TRNAU1AP: variants seen among roughly 807,000 people sequenced by gnomAD.
TRNAU1AP encodes tRNA selenocysteine 1 associated protein 1.
In TRNAU1AP, 33 loss-of-function variants were observed where a neutral mutation model predicts 43.3. That is an observed-to-expected ratio of 0.76 (90% CI 0.58 to 1.02). The LOEUF (loss-of-function observed/expected upper bound fraction) is 1.02. Among genes scored for constraint, TRNAU1AP ranks in the 50% least tolerant of loss-of-function variants. The probability of loss-of-function intolerance (pLI) is 0.00; values close to 1 mark genes in which losing one functional copy is unlikely to be tolerated. For missense variants in TRNAU1AP, 290 were observed against 362.7 expected (o/e 0.80, Z 1.63); for synonymous variants, 143 against 129.1 (o/e 1.11, Z -0.73).
chr1:28,575,682 A>G (rs1276921530), intron 8 of TRNAU1AP, among the ~76,000 whole-genome samples: 1 of 150,692 alleles, frequency 6.6e-6, no homozygotes, highest in African/African-American at 2.4e-5. Flanking sequence ...CCCAGGCTGG[A>G]GTGCAGTGGC....
chr1:28,564,578 T>TA (rs767557420), intron 4 of TRNAU1AP, 125 bp from the exon 5 acceptor site: 162 of 1,185,892 alleles, frequency 1.4e-4, no homozygotes, highest in Middle Eastern at 9.8e-4. Context: ...AGGGGCTGGT[T>TA]AAGTAGACCC....
intron 2 of TRNAU1AP, among the ~76,000 whole-genome samples, chr1:28,559,582 C>T (rs1665359363): frequency 6.6e-6 from 1 of 151,866 alleles, no homozygotes; most frequent in African/African-American, 2.4e-5. Context: ...ATCGCTTGAA[C>T]CCAGGAGGTG....
intron 2 of TRNAU1AP, among the ~76,000 whole-genome samples, chr1:28,559,880 C>T (rs1665366772): frequency 6.6e-6 from 1 of 152,000 alleles, no homozygotes. Context: ...GCCTGTAATC[C>T]CGGAACTTTG....
At chr1:28,569,782 T>C (rs61786017) in intron 6 of TRNAU1AP, among the ~76,000 whole-genome samples, 2 of 136,248 alleles carry the variant, frequency 1.5e-5, no homozygotes, top group Admixed American at 7.6e-5. Context: ...GTCAGGAGAT[T>C]GAGACCATCC....
chr1:28,556,003 G>A (rs1485299955), intron 2 of TRNAU1AP, among the ~76,000 whole-genome samples: 7 of 151,876 alleles, frequency 4.6e-5, no homozygotes, highest in African/African-American at 1.2e-4. Flanking sequence ...ACAGGCGCCC[G>A]CCACCACGCC....
At chr1:28,575,303 C>T (rs1027691257) in intron 8 of TRNAU1AP, among the ~76,000 whole-genome samples, 5 of 151,996 alleles carry the variant, frequency 3.3e-5, no homozygotes, top group South Asian at 2.1e-4. Flanking sequence ...TACAGATGCG[C>T]GCCACCACGC....
At position 28,568,535 on chromosome 1, in the gene TRNAU1AP, A is replaced by G. The variant is rs747967221; in HGVS notation, c.530+1122A>G. ...AGCAATCTGCCCACCTTGGCCTACA[A>G]AAGTGTTGGGATTACAGGCATAAGC... is the stretch of plus-strand genomic sequence containing the variant. On this transcript the variant is annotated intron_variant, in intron 6 of 8. Coordinates refer to ENST00000373830, the MANE Select transcript of TRNAU1AP (RefSeq NM_017846.5). Among the ~76,000 whole-genome samples, 5 of 152,164 alleles carry G rather than the reference A, an allele frequency of 3.3e-5. No individual in the cohort carries two copies. In the East Asian group the frequency reaches 9.6e-4, roughly 29 times the overall value.
At chr1:28,571,114 C>A in intron 6 of TRNAU1AP, 62 bp from the exon 7 acceptor site, 1 of 1,517,808 alleles carries the variant, frequency 6.6e-7, no homozygotes. Flanking sequence ...AGTCTGTGGC[C>A]ACATAGGCAG....
intron 2 of TRNAU1AP, among the ~76,000 whole-genome samples, chr1:28,560,362 A>G (rs895725535): frequency 5.3e-5 from 8 of 150,576 alleles, no homozygotes; most frequent in Non-Finnish European, 1.2e-4. Flanking sequence ...GCTCACTGCA[A>G]CCTCCACCTC....
At chr1:28,565,961 A>G (rs187614143) in intron 5 of TRNAU1AP, among the ~76,000 whole-genome samples, 8 of 152,316 alleles carry the variant, frequency 5.3e-5, no homozygotes, top group Non-Finnish European at 1.0e-4. Context: ...TTACCTCTTC[A>G]GTAAATGTGG....
chr1:28,574,944 G>A lies in TRNAU1AP; in HGVS notation c.728-2556G>A, dbSNP rs1344794783. Among the ~76,000 whole-genome samples, 8 of 149,474 alleles carry A rather than the reference G, an allele frequency of 5.4e-5. No homozygotes were observed. The East Asian group carries it at 1.5e-3, about 29-fold the overall frequency. On this transcript the variant is annotated intron_variant, in intron 8 of 8. Transcript: ENST00000373830. ...GGGGTGGGCTGGGAAGGACACAGGA[G>A]CTCCATTTCACAGATGGGAAACTAG...
At chr1:28,573,373 G>T (rs1665704043) in intron 8 of TRNAU1AP, among the ~76,000 whole-genome samples, 1 of 149,394 alleles carries the variant, frequency 6.7e-6, no homozygotes, top group South Asian at 2.3e-4. Context: ...TTGCACGGTG[G>T]CTCACCCCTG....
chr1:28,557,551 T>G (rs1665295719), intron 2 of TRNAU1AP, among the ~76,000 whole-genome samples: 1 of 150,146 alleles, frequency 6.7e-6, no homozygotes, highest in African/African-American at 2.5e-5. Context: ...TTTCCTTGGG[T>G]CTTATCTTTT....
At chr1:28,573,281 C>CG (rs142819316) in intron 8 of TRNAU1AP, among the ~76,000 whole-genome samples, 149,028 of 149,064 alleles carry the variant, frequency 1, 74,496 homozygotes, top group Middle Eastern at 1. Context: ...CCGCCTGCCT[C>CG]GCCTCCCAAA....
intron 6 of TRNAU1AP, among the ~76,000 whole-genome samples, chr1:28,569,216 G>A (rs533694357): frequency 6.6e-6 from 1 of 152,276 alleles, no homozygotes; most frequent in South Asian, 2.1e-4. Flanking sequence ...AATGTTATTT[G>A]TTGTAAATAA....
chr1:28,577,397 T>C (rs546847949), intron 8 of TRNAU1AP, 103 bp from the exon 9 acceptor site: 30 of 1,316,666 alleles, frequency 2.3e-5, no homozygotes, highest in Non-Finnish European at 2.7e-5. Context: ...ACTGGCAGGA[T>C]AGGGACCTTA....
At chr1:28,561,965 A>G (rs148267167) in intron 4 of TRNAU1AP, among the ~76,000 whole-genome samples, 81 of 149,566 alleles carry the variant, frequency 5.4e-4, no homozygotes, top group Non-Finnish European at 1.0e-3. Context: ...CCAGCTACTC[A>G]GGAGGCTGAG....
chr1:28,573,069 G>GGTATTTTTTTTTTT (rs1665696872), intron 8 of TRNAU1AP, among the ~76,000 whole-genome samples: 1 of 122,308 alleles, frequency 8.2e-6, no homozygotes, highest in Non-Finnish European at 1.6e-5. Context: ...GAGTCTTGCT[G>GGTATTTTTTTTTTT]TGTCACCCAG....
At position 28,577,543 on chromosome 1, in the gene TRNAU1AP, C is replaced by G. The variant is rs753016583; in HGVS notation, c.771C>G (p.Phe257Leu). 16 of 1,614,092 alleles carry G rather than the reference C, an allele frequency of 9.9e-6. No homozygotes were observed. The South Asian group carries it at 1.8e-4, about 18-fold the overall frequency. Residue 257 changes from phenylalanine (F) to leucine (L), a missense_variant, in exon 9 of 9, where the codon TTC becomes TTG. Phe to Leu is a conservative substitution (Grantham distance 22). This residue lies in a region of TRNAU1AP where 57 missense variants were observed against 55.1 expected (regional missense o/e 1.03). Transcript: ENST00000373830. ...QLDVTEANKE[F>L]MEQSEELYDA... The stretch of plus-strand genomic sequence containing the variant: ...ATGTGACTGAGGCCAACAAGGAGTT[C>G]ATGGAACAGAGTGAGGAGCTGTATG...
Sources: gnomAD v4.1 joint callset for allele counts (sites outside exome capture counted in the v4.1 genomes callset) on GRCh38, gnomAD v4.1.1 for gene constraint, gnomAD v4.1.1 regional missense constraint, MANE v1.5 for transcripts, NCBI Gene and HGNC (gene_info 2026-07-23, HGNC 2026-07-21) for gene names.